CFAP58: variants seen among roughly 807,000 people sequenced by gnomAD.
CFAP58 encodes the protein cilia- and flagella-associated protein 58.
A neutral mutation model predicts 119.5 loss-of-function variants in CFAP58; 88 were observed. The ratio of observed to expected loss-of-function variants is 0.74; its 90% CI spans 0.62 to 0.88. The LOEUF is 0.88. Ranked by LOEUF, CFAP58 falls within the 40% of genes least tolerant of loss-of-function variation. The pLI is 0.00. For synonymous variants in CFAP58, 365 were observed against 366.3 expected (o/e 1.00, Z 0.04); for missense variants, 990 against 1,021.2 (o/e 0.97, Z 0.42).
chr10:104,391,808 G>A (rs74154797), intron 9 of CFAP58, among the ~76,000 whole-genome samples: 2,730 of 152,216 alleles, frequency 0.018, 83 homozygotes, highest in African/African-American at 0.062. Context: ...TTTCTTTCTC[G>A]TGGTTAACTT....
chr10:104,345,569 G>A, the CFAP58 span, among the ~76,000 whole-genome samples: 1 of 152,022 alleles, frequency 6.6e-6, no homozygotes, highest in Non-Finnish European at 1.5e-5. Context: ...CTCCTATGGG[G>A]CAGCACCATA....
rs538182065 is a variant in CFAP58, at chr10:104,363,290, G to A, written c.440+1119G>A. On this transcript the variant is annotated intron_variant, in intron 3 of 17. Transcript: ENST00000369704. ...CCTCCAGGAGCCCAGCACTGTGTGG[G>A]GCATGCAAAACATGGCATCAACGAA... 2.6e-5 allele frequency among the ~76,000 whole-genome samples: 4 copies of A among 152,192 alleles called. No homozygotes were observed. The East Asian group carries it at 7.7e-4, about 29-fold the overall frequency.
chr10:104,347,108 G>A, the CFAP58 span, among the ~76,000 whole-genome samples: 33 of 152,028 alleles, frequency 2.2e-4, no homozygotes, highest in Non-Finnish European at 8.8e-5. Flanking sequence ...GAGAGCAGCT[G>A]CTTTTAAGCC....
intron 9 of CFAP58, among the ~76,000 whole-genome samples, chr10:104,389,936 A>T (rs2011999361): frequency 1.3e-5 from 2 of 152,194 alleles, no homozygotes; most frequent in Admixed American, 6.5e-5. Context: ...ATTCAACAGT[A>T]CATTAAAAGA....
intron 9 of CFAP58, among the ~76,000 whole-genome samples, chr10:104,381,263 A>C (rs974275360): frequency 1.3e-5 from 2 of 152,244 alleles, no homozygotes; most frequent in Non-Finnish European, 2.9e-5. Context: ...CTTAGGAGAG[A>C]GAAGGCTCGA....
chr10:104,428,772 C>T (rs2012794871), intron 15 of CFAP58, among the ~76,000 whole-genome samples: 1 of 152,162 alleles, frequency 6.6e-6, no homozygotes, highest in Non-Finnish European at 1.5e-5. Context: ...GCTACCAGCT[C>T]TTCATGTGAG....
chr10:104,420,945 T>C (rs1005698231), intron 15 of CFAP58, among the ~76,000 whole-genome samples: 2 of 151,732 alleles, frequency 1.3e-5, no homozygotes, highest in African/African-American at 4.8e-5. Flanking sequence ...TAGAGATGGG[T>C]TTTTGCTATG....
chr10:104,454,396 GCTAA>G, intron 17 of CFAP58, 22 bp from the exon 18 acceptor site: 1 of 1,556,364 alleles, frequency 6.4e-7, no homozygotes, highest in Non-Finnish European at 8.9e-7. Flanking sequence ...TGTTAAGGAA[GCTAA>G]CTTTCACCTC....
chr10:104,389,423 C>T (rs2011989632), intron 9 of CFAP58, among the ~76,000 whole-genome samples: 1 of 152,122 alleles, frequency 6.6e-6, no homozygotes, highest in Non-Finnish European at 1.5e-5. Flanking sequence ...TCTGCCTGTG[C>T]AAAGAATTAT....
At chr10:104,404,650 C>CT (rs2012326438) in intron 14 of CFAP58, among the ~76,000 whole-genome samples, 1 of 151,842 alleles carries the variant, frequency 6.6e-6, no homozygotes, top group African/African-American at 2.4e-5. Flanking sequence ...CGCTCTGTCA[C>CT]CCAGGCTGGA....
At chr10:104,381,412 C>T (rs2133014175) in intron 9 of CFAP58, among the ~76,000 whole-genome samples, 1 of 152,196 alleles carries the variant, frequency 6.6e-6, no homozygotes, top group Middle Eastern at 3.4e-3. Context: ...GAGCAGTGGT[C>T]TAGGAATGGG....
intron 15 of CFAP58, among the ~76,000 whole-genome samples, chr10:104,410,481 T>A (rs896146568): frequency 6.6e-6 from 1 of 152,238 alleles, no homozygotes; most frequent in Admixed American, 6.5e-5. Context: ...AAAATGTTTT[T>A]AATTTGGCCT....
At chr10:104,363,190 A>G (rs4917411) in intron 3 of CFAP58, among the ~76,000 whole-genome samples, 3 of 152,286 alleles carry the variant, frequency 2.0e-5, no homozygotes, top group Admixed American at 2.0e-4. Context: ...ATCAGATTAT[A>G]TTGAAACTTA....
chr10:104,364,126 A>G (rs1037425318), intron 3 of CFAP58, among the ~76,000 whole-genome samples: 10 of 152,312 alleles, frequency 6.6e-5, no homozygotes, highest in South Asian at 4.1e-4. Context: ...GGGAGAAACT[A>G]ATCTTTTTGG....
At chr10:104,365,037 G>A in intron 4 of CFAP58, 148 bp downstream of exon 4, 1 of 765,152 alleles carries the variant, frequency 1.3e-6, no homozygotes, top group Non-Finnish European at 2.1e-6. Context: ...TCTTTAGTTT[G>A]TTCTCTTGAG....
chr10:104,410,945 T>A (rs980367309), intron 15 of CFAP58, among the ~76,000 whole-genome samples: 1 of 152,116 alleles, frequency 6.6e-6, no homozygotes, highest in South Asian at 2.1e-4. Flanking sequence ...ATTTATTCAT[T>A]TATTTATTTT....
intron 15 of CFAP58, among the ~76,000 whole-genome samples, chr10:104,419,265 T>C (rs2012614661): frequency 6.6e-6 from 1 of 152,058 alleles, no homozygotes; most frequent in Non-Finnish European, 1.5e-5. Flanking sequence ...TGCTTCTACC[T>C]ACTTGGTTTG....
Position 104,428,981 on chromosome 10 carries a change from G to T in CFAP58, c.2257-18717G>T, listed in dbSNP as rs566633276. Among the ~76,000 whole-genome samples the T allele has an allele frequency of 2.0e-5, 3 of 152,324 alleles. No individual in the cohort carries two copies. The South Asian group carries it at 6.2e-4, about 32-fold the overall frequency. ...CCAGGTGTTCACAAGAAATGGACGT[G>T]GGAATTGCTGAGCAGAGAAAAGGAA... is the stretch of plus-strand genomic sequence containing the variant. On this transcript the variant is annotated intron_variant, in intron 15 of 17. Transcript: ENST00000369704.
chr10:104,399,522 CT>C lies in CFAP58; in HGVS notation c.1815+24del, dbSNP rs778180417. ...CCAGGTAGAGCATCTCCTTGTCAGA[CT>C]TGCAGACCTTGTCAACAGACACGGG... On this transcript the variant is annotated intron_variant, in intron 12 of 17. Coordinates refer to ENST00000369704, the MANE Select transcript of CFAP58 (RefSeq NM_001008723.2). The C allele has an allele frequency of 1.9e-6, 3 of 1,609,228 alleles. No individual in the cohort carries two copies. The African/African-American group carries it at 4.0e-5, about 22-fold the overall frequency.
Sources: gnomAD v4.1 joint callset for allele counts (sites outside exome capture counted in the v4.1 genomes callset) on GRCh38, gnomAD v4.1.1 for gene constraint, MANE v1.5 for transcripts, NCBI Gene and HGNC (gene_info 2026-07-23, HGNC 2026-07-21) for gene names.